Variants in PHACTR2 observed in about 807,000 individuals in gnomAD.
The protein encoded by PHACTR2 is phosphatase and actin regulator 2, also known as chromosome 6 open reading frame 56.
A neutral mutation model predicts 76.0 loss-of-function variants in PHACTR2; 30 were observed. That is an observed-to-expected ratio of 0.39 (90% confidence interval 0.30 to 0.54). PHACTR2 has a LOEUF of 0.54. PHACTR2 is among the 20% of genes least tolerant of loss of function. The pLI, the probability that PHACTR2 is intolerant of heterozygous loss-of-function variation, is 0.61. For synonymous variants in PHACTR2, 292 were observed against 292.5 expected (o/e 1.00, Z 0.02); for missense variants, 696 against 781.1 (o/e 0.89, Z 1.30).
At position 143,618,063 on chromosome 6, in the gene PHACTR2, G is replaced by A. The variant is rs1490198527; in HGVS notation, c.13+9741G>A. Reference sequence around the variant, plus strand: ...TTGTCAAATTCTGTATAATAGAAGAGGTACATTATTAGACCCCCAAATAGC... The same window carrying A: ...TTGTCAAATTCTGTATAATAGAAGAAGTACATTATTAGACCCCCAAATAGC... On this transcript the variant is annotated intron_variant, in intron 1 of 11. Coordinates refer to the PHACTR2 transcript ENST00000305766. This position sits in a 1 kb window ranked among gnomAD's most constrained non-coding sequence, Gnocchi z 5.2. Among the ~76,000 whole-genome samples, 8 of 152,056 alleles carry A rather than the reference G, an allele frequency of 5.3e-5. No individual in the cohort carries two copies. Among genetic ancestry groups the A allele is most frequent in the Admixed American group, 5.2e-4 (8 of 15,272 alleles).
Position 143,822,720 on chromosome 6 carries a change from A to T in PHACTR2, c.1923-954A>T, listed in dbSNP as rs1044128785. On this transcript the variant is annotated intron_variant, in intron 12 of 12. Coordinates refer to ENST00000440869, the MANE Select transcript of PHACTR2 (RefSeq NM_001100164.2). This position sits in a 1 kb window ranked among gnomAD's most constrained non-coding sequence, Gnocchi z 5.5. ...GAGTTGCATAAATGTGGAATTGCAG[A>T]AGTAGGCTGAAGAGCTTGATCACTT... Among the ~76,000 whole-genome samples the T allele has an allele frequency of 6.6e-6, 1 of 152,244 alleles. No individual in the cohort carries two copies. Among genetic ancestry groups the T allele is most frequent in the African/African-American group, 2.4e-5 (1 of 41,464 alleles).
chr6:143,711,060 T>G (rs1023762924), intron 1 of PHACTR2: 2 of 515,728 alleles, frequency 3.9e-6, no homozygotes, highest in Non-Finnish European at 7.7e-6. Flanking sequence ...AAAAGTGAAA[T>G]GCAAAAAATT....
intron 1 of PHACTR2, among the ~76,000 whole-genome samples, chr6:143,542,367 C>A (rs1044813365): frequency 4.6e-5 from 7 of 152,196 alleles, no homozygotes; most frequent in African/African-American, 1.7e-4. Context: ...CAGCTGATGA[C>A]AGTCCTGTAT....
chr6:143,725,181 A>G (rs1778533356), intron 2 of PHACTR2, among the ~76,000 whole-genome samples: 1 of 147,958 alleles, frequency 6.8e-6, no homozygotes, highest in East Asian at 2.0e-4. Context: ...TCACTCCCCA[A>G]ATCTCCTTTG....
chr6:143,603,166 A>G (rs1444742341), intron 1 of PHACTR2, among the ~76,000 whole-genome samples: 3 of 151,618 alleles, frequency 2.0e-5, no homozygotes, highest in African/African-American at 7.3e-5. Context: ...AAAAAAAAAA[A>G]ATACTTGGAA....
At chr6:143,642,258 C>T (rs1387315110) in intron 1 of PHACTR2, among the ~76,000 whole-genome samples, 1 of 152,182 alleles carries the variant, frequency 6.6e-6, no homozygotes, top group African/African-American at 2.4e-5. Context: ...GCTTCTGTAC[C>T]ACATTGTTAT....
chr6:143,632,523 T>G (rs1582719138), intron 1 of PHACTR2, among the ~76,000 whole-genome samples: 1 of 151,994 alleles, frequency 6.6e-6, no homozygotes, highest in South Asian at 2.1e-4. Context: ...AGGGGATGTC[T>G]CCCCCCGACT....
Position 143,753,942 on chromosome 6 carries a change from C to T in PHACTR2, c.454+30C>T, listed in dbSNP as rs766337228. On this transcript the variant is annotated intron_variant, in intron 4 of 12. Coordinates refer to ENST00000440869, the MANE Select transcript of PHACTR2 (RefSeq NM_001100164.2). This position sits in a 1 kb window ranked among gnomAD's most constrained non-coding sequence, Gnocchi z 4.6. Reference sequence around the variant, plus strand: ...AATAAAGACAAACCCATATTATTTACTTTAGTATATAGCTCAATGTCTAGA... The same window carrying T: ...AATAAAGACAAACCCATATTATTTATTTTAGTATATAGCTCAATGTCTAGA... 3 of 1,532,464 alleles carry T rather than the reference C, an allele frequency of 2.0e-6. No individual in the cohort carries two copies. The highest frequency in any genetic ancestry group is 4.6e-5 in the East Asian group (2 of 43,886). 94.9% of individuals were successfully genotyped at this position (1,532,464 alleles called of 1,614,324 possible).
In PHACTR2 at chr6:143,828,360, AC is replaced by A. The variant is rs1383333154; in HGVS notation, c.*4674del. ...GAGGTGGTGGGGAGAGAGGTAGAGT[AC>A]CCTCAAATCATTCCCATTTTCACTT... On this transcript the variant is annotated 3_prime_UTR_variant, in exon 13 of 13. Transcript: ENST00000440869. The surrounding 1 kb of genome is among the most constrained non-coding windows in gnomAD (Gnocchi z 4.7). The A allele has an allele frequency of 1.3e-5, 2 of 152,046 alleles. No individual in the cohort carries two copies. Among genetic ancestry groups the A allele is most frequent in the Admixed American group, 1.3e-4 (2 of 15,254 alleles). 9.4% of individuals were successfully genotyped at this position (152,046 alleles called of 1,614,324 possible). A position where few individuals can be genotyped will look rare whatever the true frequency, so the allele number is the denominator to read the frequency against.
At chr6:143,613,891 G>T (rs752133938) in intron 1 of PHACTR2, among the ~76,000 whole-genome samples, 2 of 152,102 alleles carry the variant, frequency 1.3e-5, no homozygotes, top group African/African-American at 2.4e-5. Context: ...AAGAATTGTT[G>T]AGTTTAACAG....
Position 143,598,824 on chromosome 6 carries a change from A to T in PHACTR2, c.217+61617A>T, listed in dbSNP as rs1582690694. Among the ~76,000 whole-genome samples, 1 of 152,206 alleles carries T rather than the reference A, an allele frequency of 6.6e-6. No homozygotes were observed. The highest frequency in any genetic ancestry group is 1.5e-5 in the Non-Finnish European group (1 of 68,038). On this transcript the variant is annotated intron_variant, in intron 1 of 11. Transcript: ENST00000367584. The surrounding 1 kb of genome is among the most constrained non-coding windows in gnomAD (Gnocchi z 4.1). ...GAGGAATCACTAGACCTCATGTCTCAAAGACTAGCTAAGTGTTTGCTGTGG... is the reference window on the plus strand; with the variant it reads ...GAGGAATCACTAGACCTCATGTCTCTAAGACTAGCTAAGTGTTTGCTGTGG...
At position 143,537,305 on chromosome 6, in the gene PHACTR2, C is replaced by G; in HGVS notation, c.217+98C>G. The G allele has an allele frequency of 1.5e-5, 2 of 133,960 alleles. No homozygotes were observed. The highest frequency in any genetic ancestry group is 1.6e-5 in the Non-Finnish European group (1 of 62,522). 8.3% of individuals were successfully genotyped at this position (133,960 alleles called of 1,614,324 possible). On this transcript the variant is annotated intron_variant, in intron 1 of 11. Transcript: ENST00000367584. The surrounding 1 kb of genome is among the most constrained non-coding windows in gnomAD (Gnocchi z 4.4). Reference sequence around the variant, plus strand: ...CCCGGGGCGCCCGCGGGCACTGGCCCGGCAGGCTGGCGGCGGGGTGGGGGT... The same window carrying G: ...CCCGGGGCGCCCGCGGGCACTGGCCGGGCAGGCTGGCGGCGGGGTGGGGGT...
intron 2 of PHACTR2, among the ~76,000 whole-genome samples, chr6:143,718,032 G>C (rs188249010): frequency 1.3e-5 from 2 of 152,196 alleles, no homozygotes; most frequent in East Asian, 3.9e-4. Flanking sequence ...TTATTTAAAA[G>C]TAAGTTATAC....
rs1582882433 is a variant in PHACTR2, at chr6:143,788,869, C to T, written c.1804C>T (p.Arg602Ter). 2.5e-6 allele frequency: 4 copies of T among 1,613,562 alleles called. No individual in the cohort carries two copies. Among genetic ancestry groups the T allele is most frequent in the South Asian group, 1.1e-5 (1 of 91,028 alleles). ...EVTDSPDYDR[R>*]ADKPWARLTP... ...CACGGATTCTCCTGACTATGACCGC[C>T]GAGCAGACAAGCCCTGGGCCAGGTT... The change falls in exon 11 of 13, where the codon CGA (arginine) becomes TGA (stop). Residue 602 changes from arginine to a stop codon, truncating the protein, a stop_gained. Transcript: ENST00000440869. LOFTEE classifies it high-confidence loss of function.
At chr6:143,673,999 C>T (rs183580821), upstream of PHACTR2, among the ~76,000 whole-genome samples, 1 of 152,270 alleles carries the variant, frequency 6.6e-6, no homozygotes, top group African/African-American at 2.4e-5. Flanking sequence ...TCTACTGATG[C>T]TTAATATAAC....
chr6:143,802,112 AGT>A (rs548076293), intron 11 of PHACTR2, among the ~76,000 whole-genome samples: 6 of 152,170 alleles, frequency 3.9e-5, no homozygotes, highest in Non-Finnish European at 8.8e-5. Context: ...TTTTAAACTT[AGT>A]TTCAGACATT....
intron 1 of PHACTR2, among the ~76,000 whole-genome samples, chr6:143,693,969 C>T (rs1185689154): frequency 6.6e-6 from 1 of 151,970 alleles, no homozygotes; most frequent in Admixed American, 6.6e-5. Flanking sequence ...CCCAAGAGTC[C>T]AAGATGGGAG....
Position 143,547,778 on chromosome 6 carries a change from G to A in PHACTR2, c.217+10571G>A, listed in dbSNP as rs1192822102. On this transcript the variant is annotated intron_variant, in intron 1 of 11. Coordinates refer to the PHACTR2 transcript ENST00000367584. The surrounding 1 kb of genome is among the most constrained non-coding windows in gnomAD (Gnocchi z 4.2). ...TCATGATACCTTGCGGCCAGGAACT[G>A]ATACATTGATACATTGGTTGTGATC... Among the ~76,000 whole-genome samples, 1 of 152,190 alleles carries A rather than the reference G, an allele frequency of 6.6e-6. No homozygotes were observed. Among genetic ancestry groups the A allele is most frequent in the Admixed American group, 6.5e-5 (1 of 15,286 alleles).
At chr6:143,773,474 T>G (rs1775200207) in intron 7 of PHACTR2, among the ~76,000 whole-genome samples, 1 of 151,768 alleles carries the variant, frequency 6.6e-6, no homozygotes, top group African/African-American at 2.4e-5. Context: ...TGGCAAGTTA[T>G]TACTATATTA....
Sources: allele counts gnomAD v4.1 joint callset (sites outside exome capture counted in the v4.1 genomes callset), GRCh38; gene constraint gnomAD v4.1.1; non-coding constraint Gnocchi (gnomAD v3.1); transcripts MANE v1.5; gene names NCBI Gene and HGNC (gene_info 2026-07-23, HGNC 2026-07-21).